Variants in CNOT4 observed in about 807,000 individuals in gnomAD.
CNOT4 encodes CCR4-associated factor 4.
Under a neutral mutation model 73.8 loss-of-function variants are expected in CNOT4, and 8 were observed. The observed-to-expected ratio is 0.11, with a 90% CI of 0.06 to 0.20. The LOEUF (loss-of-function observed/expected upper bound fraction) is 0.20, where lower values mean the gene tolerates loss of function less well. Among genes scored for constraint, CNOT4 ranks in the 10% least tolerant of loss-of-function variants. The pLI, the probability that CNOT4 is intolerant of heterozygous loss-of-function variation, is 1.00. For missense variants in CNOT4, 564 were observed against 883.4 expected, an observed-to-expected ratio of 0.64 and a Z score of 4.58; for synonymous variants, 293 against 321.1, an observed-to-expected ratio of 0.91 and a Z score of 0.94.
In CNOT4 at chr7:135,410,562, T is replaced by C. The variant is rs780062277; in HGVS notation, c.774A>G (p.Ser258=). The C allele has an allele frequency of 4.4e-6, 7 of 1,575,936 alleles. No individual in the cohort carries two copies. Among genetic ancestry groups the C allele is most frequent in the Middle Eastern group, 1.7e-4 (1 of 5,968 alleles). ...NPNFLQLSTG[S]VDKNKNKVTP... The stretch of plus-strand genomic sequence containing the variant: ...TCACTTTGTTCTTATTTTTATCAAC[T>C]GAACCCGTAGATAGCTGAAGAAAAT... Residue 258 remains serine (S), a synonymous_variant, in exon 7 of 12, where the codon TCA becomes TCG. Transcript: ENST00000541284.
chr7:135,492,393 C>T (rs1020339884), intron 1 of CNOT4, among the ~76,000 whole-genome samples: 5 of 152,012 alleles, frequency 3.3e-5, no homozygotes, highest in African/African-American at 1.2e-4. Flanking sequence ...CAGAAAGGAG[C>T]AAGTGAGTTG....
At chr7:135,443,995 C>T (rs1289222712) in intron 1 of CNOT4, among the ~76,000 whole-genome samples, 1 of 151,840 alleles carries the variant, frequency 6.6e-6, no homozygotes, top group Admixed American at 6.6e-5. Flanking sequence ...CAAAAATGAG[C>T]CGGGTGTGGT....
intron 1 of CNOT4, among the ~76,000 whole-genome samples, chr7:135,474,605 G>T (rs188001763): frequency 6.6e-6 from 1 of 152,112 alleles, no homozygotes; most frequent in Non-Finnish European, 1.5e-5. Flanking sequence ...AAACACTAGT[G>T]CAGTGCATAG....
rs1364688750 is a variant in CNOT4 at position 135,398,235 on chromosome 7, A to T, written c.822-9T>A. The T allele has an allele frequency of 2.1e-6, 3 of 1,442,188 alleles. No individual in the cohort carries two copies. In the South Asian group the frequency reaches 3.5e-5, roughly 17 times the overall value. 89.3% of individuals were successfully genotyped at this position (1,442,188 alleles called of 1,614,324 possible). On this transcript the variant is annotated splice_polypyrimidine_tract_variant and intron_variant, in intron 7 of 11. Coordinates refer to ENST00000541284, the MANE Select transcript of CNOT4 (RefSeq NM_001190850.2). ...AAGGTTTGTCAATGGGGCTATAAAA[A>T]GAAAACAAATTGAATAAAATCAGAA...
intron 1 of CNOT4, chr7:135,444,391 C>A: frequency 2.8e-6 from 2 of 704,912 alleles, no homozygotes; most frequent in Admixed American, 2.0e-5. Flanking sequence ...GAGGCATACA[C>A]AAAATGTGGT....
intron 7 of CNOT4, among the ~76,000 whole-genome samples, chr7:135,403,118 T>C (rs1356578733): frequency 6.6e-6 from 1 of 152,200 alleles, no homozygotes; most frequent in Admixed American, 6.5e-5. Flanking sequence ...ATTTTAAACA[T>C]AAAATTTACA....
rs117942755 is a variant in CNOT4 at position 135,365,051 on chromosome 7, C to A, written c.1628-985G>T. Reference sequence around the variant, plus strand: ...GAAAAATATTTCTGATTCTACAGAACTGATTGGCAATCAACGCTGAGAAGG... The same window carrying A: ...GAAAAATATTTCTGATTCTACAGAAATGATTGGCAATCAACGCTGAGAAGG... On this transcript the variant is annotated intron_variant, in intron 10 of 11. Transcript: ENST00000541284. Among the ~76,000 whole-genome samples, 623 of 152,314 alleles carry A rather than the reference C, an allele frequency of 4.1e-3. 2 individuals are homozygous for A. Among genetic ancestry groups the A allele is most frequent in the Non-Finnish European group, 6.3e-3 (428 of 68,026 alleles).
chr7:135,395,909 T>C (rs1336607419), intron 8 of CNOT4, 26 bp from the exon 9 acceptor site: 1 of 1,512,706 alleles, frequency 6.6e-7, no homozygotes, highest in South Asian at 1.1e-5. Context: ...AAACAAATAA[T>C]AACTACATGT....
intron 3 of CNOT4, among the ~76,000 whole-genome samples, chr7:135,420,512 G>A (rs961772973): frequency 1.3e-5 from 2 of 149,486 alleles, no homozygotes; most frequent in Admixed American, 1.4e-4. Context: ...AGGAGGCTGA[G>A]GCTGCAGTGA....
intron 7 of CNOT4, among the ~76,000 whole-genome samples, chr7:135,399,617 T>C (rs1253561919): frequency 6.6e-6 from 1 of 152,016 alleles, no homozygotes; most frequent in Non-Finnish European, 1.5e-5. Context: ...CCTGAAAATA[T>C]ACACAAAGTC....
chr7:135,453,807 T>C (rs1267990596), intron 1 of CNOT4, among the ~76,000 whole-genome samples: 2 of 127,932 alleles, frequency 1.6e-5, no homozygotes, highest in Non-Finnish European at 3.2e-5. Context: ...TATAAATATA[T>C]ATAATAAATA....
intron 10 of CNOT4, among the ~76,000 whole-genome samples, chr7:135,380,810 TATC>T (rs1795805150): frequency 6.6e-6 from 1 of 152,358 alleles, no homozygotes; most frequent in East Asian, 1.9e-4. Flanking sequence ...CCTTGTTTAT[TATC>T]ATCATTGTTA....
At chr7:135,497,927 T>G (rs1803697619) in intron 1 of CNOT4, among the ~76,000 whole-genome samples, 1 of 152,218 alleles carries the variant, frequency 6.6e-6, no homozygotes, top group Non-Finnish European at 1.5e-5. Context: ...AAGATGAATG[T>G]TTTTTATTCC....
chr7:135,422,476 T>C, intron 2 of CNOT4, 123 bp from the exon 3 acceptor site: 1 of 563,468 alleles, frequency 1.8e-6, no homozygotes, highest in Non-Finnish European at 3.1e-6. Context: ...TATTAGAATG[T>C]TTTAACTGCT....
chr7:135,448,352 G>A (rs1799955836), intron 1 of CNOT4, among the ~76,000 whole-genome samples: 1 of 152,062 alleles, frequency 6.6e-6, no homozygotes, highest in African/African-American at 2.4e-5. Context: ...AGACCAGCCT[G>A]GCCAACATGG....
chr7:135,382,660 A>G (rs1795913205), intron 10 of CNOT4, among the ~76,000 whole-genome samples: 1 of 152,116 alleles, frequency 6.6e-6, no homozygotes, highest in African/African-American at 2.4e-5. Flanking sequence ...ATCGAATAGA[A>G]AATTTTTTTA....
intron 7 of CNOT4, among the ~76,000 whole-genome samples, chr7:135,408,084 C>G (rs1318595033): frequency 6.6e-6 from 1 of 151,926 alleles, no homozygotes; most frequent in African/African-American, 2.4e-5. Flanking sequence ...AAAAAAATAC[C>G]CAATTCAAGG....
chr7:135,413,710 G>A, intron 5 of CNOT4, 97 bp from the exon 6 acceptor site: 1 of 1,228,592 alleles, frequency 8.1e-7, no homozygotes, highest in Admixed American at 2.5e-5. Context: ...CACCTAAAAT[G>A]AGGCACAAAC....
chr7:135,381,250 C>T (rs1376560539), intron 10 of CNOT4, among the ~76,000 whole-genome samples: 4 of 152,152 alleles, frequency 2.6e-5, no homozygotes, highest in African/African-American at 7.2e-5. Context: ...GAAGATTTAA[C>T]TGAAAATTGC....
Sources: gnomAD v4.1 joint callset for allele counts (sites outside exome capture counted in the v4.1 genomes callset) on GRCh38, gnomAD v4.1.1 for gene constraint, MANE v1.5 for transcripts, NCBI Gene and HGNC (gene_info 2026-07-23, HGNC 2026-07-21) for gene names.